Variants in PDE4D observed in about 807,000 individuals in gnomAD.
PDE4D encodes the protein phosphodiesterase 4D.
PDE4D carries 24 observed loss-of-function variants against 87.4 expected under a neutral mutation model. The observed-to-expected ratio is 0.27, with a 90% confidence interval of 0.20 to 0.39. The LOEUF (loss-of-function observed/expected upper bound fraction) is 0.39, where lower values mean the gene tolerates loss of function less well. PDE4D is among the 10% of genes least tolerant of loss of function. PDE4D has a pLI of 1.00. For missense variants in PDE4D, 714 were observed against 1,041.0 expected, an observed-to-expected ratio of 0.69 and a Z score of 4.32; for synonymous variants, 384 against 383.2, an observed-to-expected ratio of 1.00 and a Z score of -0.02.
chr5:59,415,733 GAA>G (rs1194568391), intron 1 of PDE4D, among the ~76,000 whole-genome samples: 1 of 152,154 alleles, frequency 6.6e-6, no homozygotes, highest in African/African-American at 2.4e-5. Context: ...TATGAGGAAA[GAA>G]TGTTAAATAT....
At chr5:60,164,478 C>A (rs976625969) in intron 2 of PDE4D, among the ~76,000 whole-genome samples, 1 of 152,158 alleles carries the variant, frequency 6.6e-6, no homozygotes, top group South Asian at 2.1e-4. Context: ...AAAACTCATA[C>A]TTCTAGAAAA....
intron 1 of PDE4D, among the ~76,000 whole-genome samples, chr5:59,506,484 G>A (rs1245522186): frequency 6.6e-6 from 1 of 151,992 alleles, no homozygotes; most frequent in Non-Finnish European, 1.5e-5. Context: ...AAAACAGCAG[G>A]GGGAGCTCAA....
intron 1 of PDE4D, among the ~76,000 whole-genome samples, chr5:59,294,412 A>C (rs1467400258): frequency 6.6e-6 from 1 of 152,166 alleles, no homozygotes; most frequent in East Asian, 1.9e-4. Context: ...TAATGTAACT[A>C]TATTTTCCAT....
chr5:60,074,490 T>C (rs1325491174), intron 2 of PDE4D, among the ~76,000 whole-genome samples: 1 of 152,152 alleles, frequency 6.6e-6, no homozygotes, highest in Non-Finnish European at 1.5e-5. Flanking sequence ...TCTCTTGTTT[T>C]TGGGTGGAGA....
chr5:60,014,145 AGGAAG>A (rs1448133124), intron 2 of PDE4D, among the ~76,000 whole-genome samples: 1 of 151,358 alleles, frequency 6.6e-6, no homozygotes, highest in Non-Finnish European at 1.5e-5. Context: ...CCATACTATT[AGGAAG>A]CCCAAGATGA....
intron 1 of PDE4D, among the ~76,000 whole-genome samples, chr5:59,508,223 T>C (rs545628471): frequency 1.3e-5 from 2 of 152,118 alleles, no homozygotes; most frequent in South Asian, 2.1e-4. Context: ...TCACAGAAAG[T>C]CTTATACCCA....
chr5:60,130,468 A>C (rs1779470341), intron 2 of PDE4D, among the ~76,000 whole-genome samples: 1 of 152,144 alleles, frequency 6.6e-6, no homozygotes. Flanking sequence ...TTTGTAGATG[A>C]GAGTGATAAG....
At chr5:59,244,690 G>GTC (rs1283078029) in intron 1 of PDE4D, among the ~76,000 whole-genome samples, 5 of 144,718 alleles carry the variant, frequency 3.5e-5, no homozygotes, top group Non-Finnish European at 7.5e-5. Flanking sequence ...CTGTGTGTGT[G>GTC]TGTGTGTGTG....
chr5:60,242,111 C>A (rs1282141906), intron 1 of PDE4D, among the ~76,000 whole-genome samples: 1 of 152,048 alleles, frequency 6.6e-6, no homozygotes, highest in African/African-American at 2.4e-5. Flanking sequence ...CCTATAAACA[C>A]ACACAGACTG....
intron 1 of PDE4D, among the ~76,000 whole-genome samples, chr5:60,505,964 A>G (rs1750303334): frequency 6.6e-6 from 1 of 152,248 alleles, no homozygotes; most frequent in South Asian, 2.1e-4. Flanking sequence ...TGAAAAGCCC[A>G]CACAGCCAAC....
At chr5:59,166,378 TC>T (rs1781928830) in intron 5 of PDE4D, 1 of 152,178 alleles carries the variant, frequency 6.6e-6, no homozygotes, top group African/African-American at 2.4e-5. Context: ...ATTGGCCTTC[TC>T]CTTTATTTCC....
At chr5:60,419,207 T>C (rs374733429) in intron 1 of PDE4D, among the ~76,000 whole-genome samples, 41 of 152,290 alleles carry the variant, frequency 2.7e-4, no homozygotes, top group African/African-American at 9.9e-4. Flanking sequence ...GAAGCATTGT[T>C]TATAATAACC....
At chr5:59,930,705 A>G (rs1208479521) in intron 3 of PDE4D, among the ~76,000 whole-genome samples, 1 of 152,204 alleles carries the variant, frequency 6.6e-6, no homozygotes, top group Non-Finnish European at 1.5e-5. Flanking sequence ...GAAGAAAACC[A>G]GGCAGAGTAG....
intron 5 of PDE4D, among the ~76,000 whole-genome samples, chr5:59,088,210 T>C (rs973989094): frequency 5.9e-5 from 9 of 152,184 alleles, no homozygotes; most frequent in Non-Finnish European, 1.2e-4. Context: ...TAAAACATCA[T>C]CCTTGCCTCC....
intron 1 of PDE4D, among the ~76,000 whole-genome samples, chr5:60,335,520 G>A (rs1456497521): frequency 6.6e-6 from 1 of 152,138 alleles, no homozygotes; most frequent in Non-Finnish European, 1.5e-5. Flanking sequence ...TTTATCAAAG[G>A]TTACAGGGCA....
chr5:59,143,538 G>A (rs2153456450), intron 5 of PDE4D, among the ~76,000 whole-genome samples: 1 of 152,274 alleles, frequency 6.6e-6, no homozygotes, highest in East Asian at 1.9e-4. Flanking sequence ...CCATCTGCAA[G>A]CATAGCAGTG....
intron 1 of PDE4D, among the ~76,000 whole-genome samples, chr5:59,552,031 C>T (rs1038619832): frequency 2.6e-5 from 4 of 151,984 alleles, no homozygotes; most frequent in Admixed American, 2.6e-4. Flanking sequence ...GCCTAGGGAA[C>T]ACAGCAAGAC....
At chr5:59,187,125 T>C (rs1404492439) in intron 3 of PDE4D, among the ~76,000 whole-genome samples, 1 of 152,030 alleles carries the variant, frequency 6.6e-6, no homozygotes, top group Non-Finnish European at 1.5e-5. Context: ...TAAATAGACA[T>C]AGAAATGCAG....
At chr5:59,730,899 T>C (rs1362078421) in intron 1 of PDE4D, among the ~76,000 whole-genome samples, 4 of 152,178 alleles carry the variant, frequency 2.6e-5, no homozygotes, top group Admixed American at 2.6e-4. Flanking sequence ...CATAATAGTA[T>C]ACAGGTAATA....
Sources: gnomAD v4.1 joint callset for allele counts (sites outside exome capture counted in the v4.1 genomes callset) on GRCh38, gnomAD v4.1.1 for gene constraint, MANE v1.5 for transcripts, NCBI Gene and HGNC (gene_info 2026-07-23, HGNC 2026-07-21) for gene names.